The following NUDT1 variants were observed in gnomAD, a reference collection of about 807,000 sequenced individuals.
NUDT1 encodes oxidized purine nucleoside triphosphate hydrolase.
NUDT1 carries 16 observed loss-of-function variants against 11.3 expected under a neutral mutation model. The observed-to-expected ratio is 1.41, with a 90% CI of 0.96 to 2.15. The LOEUF is 2.15. Among genes scored for constraint, NUDT1 ranks in the 30% most tolerant of loss-of-function variants. NUDT1 has a pLI of 0.00. For missense variants in NUDT1, 234 were observed against 208.4 expected (o/e 1.12, Z -0.76); for synonymous variants, 101 against 84.4 (o/e 1.20, Z -1.08).
chr7:2,245,464 A>G (rs1794733259), intron 2 of NUDT1, among the ~76,000 whole-genome samples: 1 of 152,210 alleles, frequency 6.6e-6, no homozygotes, highest in African/African-American at 2.4e-5. Flanking sequence ...AACCTGCAGT[A>G]AGAAATACGT....
chr7:2,250,366 C>T (rs995167242), intron 3 of NUDT1, among the ~76,000 whole-genome samples: 2 of 152,148 alleles, frequency 1.3e-5, no homozygotes, highest in Admixed American at 6.5e-5. Flanking sequence ...TGTGGGAGGC[C>T]GAGGCAGGAG....
intron 2 of NUDT1, among the ~76,000 whole-genome samples, chr7:2,244,976 C>T (rs914642758): frequency 6.6e-6 from 1 of 152,128 alleles, no homozygotes; most frequent in African/African-American, 2.4e-5. Context: ...GTGCTGAGTG[C>T]GTGTTAGCTG....
chr7:2,250,428 C>T (rs911667287), intron 3 of NUDT1, among the ~76,000 whole-genome samples: 6 of 149,124 alleles, frequency 4.0e-5, no homozygotes, highest in African/African-American at 1.5e-4. Flanking sequence ...AGTGAGACCC[C>T]ATCTCTACAA....
At chr7:2,250,342 C>T (rs1399849617) in intron 3 of NUDT1, among the ~76,000 whole-genome samples, 1 of 152,216 alleles carries the variant, frequency 6.6e-6, no homozygotes, top group African/African-American at 2.4e-5. Context: ...CCCTGTAATC[C>T]CAGCACTGTG....
chr7:2,250,723 G>C (rs1282591599), intron 3 of NUDT1, 106 bp from the exon 4 acceptor site: 1 of 1,007,346 alleles, frequency 9.9e-7, no homozygotes, highest in East Asian at 2.6e-5. Flanking sequence ...CTCCCAAAGT[G>C]CTGGGATTAC....
In NUDT1 at chr7:2,251,013, G is replaced by C. The variant is rs768984899; in HGVS notation, c.*12G>C. The C allele has an allele frequency of 1.2e-6, 2 of 1,613,522 alleles. No homozygotes were observed. The highest frequency in any genetic ancestry group is 1.1e-5 in the South Asian group (1 of 91,054). On this transcript the variant is annotated 3_prime_UTR_variant, in exon 4 of 4. Transcript: ENST00000356714. ...TGGACACGGTCTAGCGGGAGCCCAG[G>C]GCAGCCCCTGGGCAGGAGACGTGGC...
At chr7:2,249,716 A>G in intron 2 of NUDT1, 141 bp from the exon 3 acceptor site, 1 of 979,048 alleles carries the variant, frequency 1.0e-6, no homozygotes, top group South Asian at 1.4e-5. Context: ...AATGCATTCT[A>G]GGGGACATCC....
intron 2 of NUDT1, chr7:2,249,448 G>A (rs1794892919): frequency 3.7e-6 from 1 of 267,520 alleles, no homozygotes; most frequent in African/African-American, 2.2e-5. Flanking sequence ...CTCAGCCGCG[G>A]AAAAGCAAGT....
Position 2,249,892 on chromosome 7 carries a change from C to T in NUDT1, c.188C>T (p.Ala63Val), listed in dbSNP as rs758344575. 5 of 1,614,104 alleles carry T rather than the reference C, an allele frequency of 3.1e-6. No individual in the cohort carries two copies. Among genetic ancestry groups the T allele is most frequent in the Admixed American group, 1.7e-5 (1 of 60,030 alleles). Reference sequence around the variant, plus strand: ...GAGGAGAGCGGTCTGACAGTGGACGCCCTGCACAAGGTGGGCCAGATCGTG... The same window carrying T: ...GAGGAGAGCGGTCTGACAGTGGACGTCCTGCACAAGGTGGGCCAGATCGTG... ...LQEESGLTVD[A>V]LHKVGQIVFE... Residue 63 changes from alanine (A) to valine (V), a missense_variant, in exon 3 of 4, where the codon GCC becomes GTC. Coordinates refer to ENST00000356714, the MANE Select transcript of NUDT1 (RefSeq NM_002452.4).
intron 1 of NUDT1, 111 bp from the exon 2 acceptor site, chr7:2,244,452 A>AGCC: frequency 1.1e-5 from 6 of 553,130 alleles, no homozygotes; most frequent in South Asian, 2.0e-5. Flanking sequence ...GTTACAGCAT[A>AGCC]CCCCCCCGCC....
chr7:2,248,554 T>C (rs1794859408), intron 2 of NUDT1, among the ~76,000 whole-genome samples: 1 of 104,712 alleles, frequency 9.6e-6, no homozygotes, highest in African/African-American at 3.3e-5. Context: ...TTGCTTTTTT[T>C]TTTTTTTTTT....
At chr7:2,249,731 GGGTCTCCCATCCACCCT>G in intron 2 of NUDT1, 109 bp from the exon 3 acceptor site, 1 of 1,171,086 alleles carries the variant, frequency 8.5e-7, no homozygotes, top group Non-Finnish European at 1.2e-6. Context: ...ACATCCTCCT[GGGTCTCCCATCCACCCT>G]GGTGGCTCCC....
chr7:2,249,829 TC>T, intron 2 of NUDT1, 27 bp from the exon 3 acceptor site: 1 of 1,610,406 alleles, frequency 6.2e-7, no homozygotes. Flanking sequence ...CCTGACGGCC[TC>T]CCTCCCCTGC....
intron 3 of NUDT1, 131 bp downstream of exon 3, chr7:2,250,133 G>C: frequency 2.5e-6 from 3 of 1,183,488 alleles, no homozygotes; most frequent in Non-Finnish European, 3.6e-6. Flanking sequence ...CCACCCCACA[G>C]TGCCAGCGTG....
chr7:2,247,455 G>T (rs967037025), intron 2 of NUDT1, among the ~76,000 whole-genome samples: 1 of 152,144 alleles, frequency 6.6e-6, no homozygotes, highest in Admixed American at 6.5e-5. Flanking sequence ...GGCTTCAGGC[G>T]CACAGTGTGA....
intron 2 of NUDT1, among the ~76,000 whole-genome samples, chr7:2,245,593 C>A (rs544870648): frequency 6.6e-6 from 1 of 152,212 alleles, no homozygotes; most frequent in East Asian, 1.9e-4. Flanking sequence ...CTCTTTTTTT[C>A]TCCAGAGGTG....
Position 2,243,973 on chromosome 7 carries a change from G to C in NUDT1, c.-12-590G>C, listed in dbSNP as rs1227513333. On this transcript the variant is annotated intron_variant, in intron 1 of 3. Transcript: ENST00000356714. The stretch of plus-strand genomic sequence containing the variant: ...CAGTAGCCACAGCAGGAGCAGAGTG[G>C]GTGGGGTATAAACTCCTATCACAGG... Among the ~76,000 whole-genome samples the C allele has an allele frequency of 2.0e-5, 3 of 152,146 alleles. 1 individual carries two copies. Among genetic ancestry groups the C allele is most frequent in the Admixed American group, 2.0e-4 (3 of 15,270 alleles).
At chr7:2,248,925 C>G (rs1195952732) in intron 2 of NUDT1, among the ~76,000 whole-genome samples, 1 of 152,176 alleles carries the variant, frequency 6.6e-6, no homozygotes, top group Admixed American at 6.5e-5. Context: ...AAGGGAAAAA[C>G]AGAGGAGAAA....
intron 1 of NUDT1, among the ~76,000 whole-genome samples, chr7:2,243,976 G>A (rs1005758445): frequency 2.0e-5 from 3 of 152,138 alleles, no homozygotes; most frequent in Admixed American, 1.3e-4. Flanking sequence ...CAGAGTGGGT[G>A]GGGTATAAAC....
Sources: allele counts gnomAD v4.1 joint callset (sites outside exome capture counted in the v4.1 genomes callset), GRCh38; gene constraint gnomAD v4.1.1; transcripts MANE v1.5; gene names NCBI Gene and HGNC (gene_info 2026-07-23, HGNC 2026-07-21).